The following ADCY2 variants were observed in gnomAD, a reference collection of about 807,000 sequenced individuals.
The protein encoded by ADCY2 is adenylate cyclase type 2.
In ADCY2, 31 loss-of-function variants were observed where a neutral mutation model predicts 125.2. The ratio of observed to expected loss-of-function variants is 0.25; its 90% confidence interval spans 0.19 to 0.33. ADCY2 has a LOEUF of 0.33. Ranked by LOEUF, ADCY2 falls within the 10% of genes least tolerant of loss-of-function variation. The pLI is 1.00. For missense variants in ADCY2, 904 were observed against 1,418.2 expected, an observed-to-expected ratio of 0.64 and a Z score of 5.82; for synonymous variants, 512 against 548.4, an observed-to-expected ratio of 0.93 and a Z score of 0.93.
At chr5:7,624,106 A>G (rs1738044860) in intron 3 of ADCY2, among the ~76,000 whole-genome samples, 1 of 152,114 alleles carries the variant, frequency 6.6e-6, no homozygotes, top group Admixed American at 6.6e-5. Context: ...CCCCACTTCT[A>G]TTGTGCATTT....
rs563915123 is a variant in ADCY2, at chr5:7,408,617, C to T, written c.211-5956C>T. The stretch of plus-strand genomic sequence containing the variant: ...TCCTGATCTTGGGTGATCTACCCAC[C>T]GCAGCCTCTCAAAGTGCTGGGATTA... On this transcript the variant is annotated intron_variant, in intron 1 of 24. Transcript: ENST00000338316. Among the ~76,000 whole-genome samples the T allele has an allele frequency of 6.6e-5, 10 of 152,110 alleles. No individual in the cohort carries two copies. In the South Asian group the frequency reaches 1.0e-3, roughly 16 times the overall value.
intron 2 of ADCY2, among the ~76,000 whole-genome samples, chr5:7,495,010 CT>C (rs1314445851): frequency 6.6e-6 from 1 of 152,208 alleles, no homozygotes; most frequent in Non-Finnish European, 1.5e-5. Flanking sequence ...AATTGTCCAG[CT>C]TTTCCTCATC....
At chr5:7,600,290 G>T (rs373639392) in intron 3 of ADCY2, among the ~76,000 whole-genome samples, 1 of 152,240 alleles carries the variant, frequency 6.6e-6, no homozygotes, top group Non-Finnish European at 1.5e-5. Context: ...TGAGGCTCCA[G>T]AGGAAGTTTC....
intron 2 of ADCY2, among the ~76,000 whole-genome samples, chr5:7,477,778 A>G (rs1276087171): frequency 6.6e-6 from 1 of 152,218 alleles, no homozygotes; most frequent in African/African-American, 2.4e-5. Context: ...GGGGGAAATT[A>G]ACTGATGTGA....
chr5:7,447,881 T>G (rs1333523194), intron 2 of ADCY2, among the ~76,000 whole-genome samples: 1 of 152,120 alleles, frequency 6.6e-6, no homozygotes, highest in African/African-American at 2.4e-5. Flanking sequence ...GGGGAGGGGC[T>G]TACAAGGAGC....
intron 3 of ADCY2, among the ~76,000 whole-genome samples, chr5:7,607,857 G>A (rs1737433434): frequency 6.6e-6 from 1 of 151,956 alleles, no homozygotes; most frequent in Non-Finnish European, 1.5e-5. Context: ...GTGGCTAGTG[G>A]AGTCATAAAT....
chr5:7,634,866 A>G (rs1310106012), intron 4 of ADCY2, among the ~76,000 whole-genome samples: 1 of 152,176 alleles, frequency 6.6e-6, no homozygotes, highest in Admixed American at 6.5e-5. Flanking sequence ...ATATAACAAG[A>G]TAATGTGACA....
In ADCY2 at chr5:7,421,640, C is replaced by T. The variant is rs146652524; in HGVS notation, c.408+6870C>T. 4.4e-3 allele frequency among the ~76,000 whole-genome samples: 677 copies of T among 152,328 alleles called. 7 individuals carry two copies. Among genetic ancestry groups the T allele is most frequent in the African/African-American group, 0.016 (659 of 41,558 alleles). Reference sequence around the variant, plus strand: ...GGGACACAGTTCAACTCCTAACTGACAACGGTTCCCTAAGTGGGTGCTCTC... The same window carrying T: ...GGGACACAGTTCAACTCCTAACTGATAACGGTTCCCTAAGTGGGTGCTCTC... On this transcript the variant is annotated intron_variant, in intron 2 of 24. Transcript: ENST00000338316.
intron 2 of ADCY2, among the ~76,000 whole-genome samples, chr5:7,470,267 C>T (rs2126455108): frequency 6.6e-6 from 1 of 151,720 alleles, no homozygotes; most frequent in African/African-American, 2.4e-5. Flanking sequence ...TCAAATGTGA[C>T]CAGGATAGTG....
chr5:7,498,239 GTTTTTTTTT>G (rs910360437), intron 2 of ADCY2, among the ~76,000 whole-genome samples: 11 of 62,110 alleles, frequency 1.8e-4, no homozygotes, highest in African/African-American at 5.0e-4. Context: ...TTCTTTTTTC[GTTTTTTTTT>G]TTTTTTTTTT....
chr5:7,592,596 A>T (rs893942430), intron 3 of ADCY2, among the ~76,000 whole-genome samples: 1 of 152,176 alleles, frequency 6.6e-6, no homozygotes, highest in Admixed American at 6.5e-5. Flanking sequence ...AATATATAAG[A>T]AAACTATAAG....
intron 14 of ADCY2, among the ~76,000 whole-genome samples, chr5:7,727,645 G>T (rs1051056634): frequency 3.9e-5 from 6 of 152,044 alleles, no homozygotes; most frequent in African/African-American, 1.4e-4. Flanking sequence ...GAAAGGGCAT[G>T]ACCTTTCACT....
rs72710463 is a variant in ADCY2 at position 7,601,416 on chromosome 5, C to T, written c.571-24751C>T. Among the ~76,000 whole-genome samples, 397 of 152,290 alleles carry T rather than the reference C, an allele frequency of 2.6e-3. 1 individual carries two copies. Among genetic ancestry groups the T allele is most frequent in the Non-Finnish European group, 4.7e-3 (320 of 68,028 alleles). ...ACAGGGCAAAAGTCAGTTAAAGGGA[C>T]ATTTGAAATATCTGGCACTAAGATT... is the stretch of plus-strand genomic sequence containing the variant. On this transcript the variant is annotated intron_variant, in intron 3 of 24. Coordinates refer to ENST00000338316, the MANE Select transcript of ADCY2 (RefSeq NM_020546.3).
At chr5:7,783,557 A>T (rs1743986339) in intron 18 of ADCY2, among the ~76,000 whole-genome samples, 1 of 152,144 alleles carries the variant, frequency 6.6e-6, no homozygotes, top group African/African-American at 2.4e-5. Flanking sequence ...CAAGGACGAC[A>T]CACAAGCAGA....
intron 3 of ADCY2, among the ~76,000 whole-genome samples, chr5:7,554,872 T>C (rs896050576): frequency 6.6e-6 from 1 of 152,184 alleles, no homozygotes; most frequent in African/African-American, 2.4e-5. Context: ...GGTAAGTGAC[T>C]ATCCCCAGAA....
chr5:7,766,873 A>G, intron 17 of ADCY2, 67 bp downstream of exon 17: 1 of 1,535,468 alleles, frequency 6.5e-7, no homozygotes, highest in South Asian at 1.3e-5. Flanking sequence ...TATAACATAT[A>G]TCCTTTAGTC....
chr5:7,440,820 AAG>A (rs561968019), intron 2 of ADCY2, among the ~76,000 whole-genome samples: 102 of 152,226 alleles, frequency 6.7e-4, no homozygotes, highest in Non-Finnish European at 1.3e-3. Context: ...AAGCCAGAAA[AAG>A]AGCAGTGTGG....
intron 1 of ADCY2, among the ~76,000 whole-genome samples, chr5:7,404,931 C>G (rs921763231): frequency 3.9e-5 from 6 of 152,194 alleles, no homozygotes; most frequent in African/African-American, 1.2e-4. Context: ...TGTGGCCTCT[C>G]TTCATGATTA....
intron 16 of ADCY2, among the ~76,000 whole-genome samples, chr5:7,762,267 G>A (rs559184108): frequency 2.6e-4 from 39 of 152,326 alleles, no homozygotes; most frequent in Non-Finnish European, 3.8e-4. Flanking sequence ...TAGGAAAGTT[G>A]GTGTTAGGTA....
Sources: gnomAD v4.1 joint callset for allele counts (sites outside exome capture counted in the v4.1 genomes callset) on GRCh38, gnomAD v4.1.1 for gene constraint, MANE v1.5 for transcripts, NCBI Gene and HGNC (gene_info 2026-07-23, HGNC 2026-07-21) for gene names.